GRIA3: variants seen among roughly 807,000 people sequenced by gnomAD.
GRIA3 encodes the protein glutamate ionotropic receptor AMPA type subunit 3.
In GRIA3, 3 loss-of-function variants were observed where a neutral mutation model predicts 63.0. The observed-to-expected ratio is 0.05, with a 90% CI of 0.02 to 0.12. GRIA3 has a LOEUF of 0.12. GRIA3 is among the 10% of genes least tolerant of loss of function. GRIA3 has a pLI of 1.00. For synonymous variants in GRIA3, 274 were observed against 257.9 expected (o/e 1.06, Z -0.60); for missense variants, 347 against 700.9 (o/e 0.50, Z 5.70).
chrX:123,245,041 G>A (rs1284930646), intron 2 of GRIA3, among the ~76,000 whole-genome samples: 2 of 112,209 alleles, frequency 1.8e-5, no homozygotes, highest in East Asian at 5.6e-4. Flanking sequence ...TCTCAGTCAA[G>A]AGAAAAGGAA....
At chrX:123,259,428 TTC>T (rs2044437575) in intron 3 of GRIA3, among the ~76,000 whole-genome samples, 1 of 109,892 alleles carries the variant, frequency 9.1e-6, no homozygotes, top group Admixed American at 9.7e-5. Flanking sequence ...TCTATCTTCC[TTC>T]TCTTTCTTCG....
intron 3 of GRIA3, among the ~76,000 whole-genome samples, chrX:123,268,088 C>T (rs1056696492): frequency 9.0e-6 from 1 of 111,499 alleles, no homozygotes; most frequent in Non-Finnish European, 1.9e-5. Context: ...CTGACGGACA[C>T]AAATAAAGAA....
At chrX:123,209,157 G>A (rs1927972936) in intron 2 of GRIA3, among the ~76,000 whole-genome samples, 1 of 111,537 alleles carries the variant, frequency 9.0e-6, no homozygotes, top group Admixed American at 9.5e-5. Context: ...CCTGAAGTCA[G>A]ACTTGGGTTT....
intron 3 of GRIA3, among the ~76,000 whole-genome samples, chrX:123,254,602 G>T (rs1195061043): frequency 1.8e-5 from 2 of 111,861 alleles, no homozygotes; most frequent in African/African-American, 6.5e-5. Context: ...AACTTGAACG[G>T]CCATTTTGCT....
intron 2 of GRIA3, among the ~76,000 whole-genome samples, chrX:123,189,094 T>G (rs973492121): frequency 1.8e-5 from 2 of 112,000 alleles, no homozygotes; most frequent in African/African-American, 6.5e-5. Context: ...GAAAGGTGTT[T>G]AATTTGGGAT....
chrX:123,200,590 TACACACACACACATACATACAC>T (rs1322412362), intron 2 of GRIA3, among the ~76,000 whole-genome samples: 7 of 82,552 alleles, frequency 8.5e-5, no homozygotes, highest in South Asian at 6.7e-4. Context: ...TATATACATA[TACACACACACACATACATACAC>T]ACACACACAC....
intron 13 of GRIA3, 21 bp downstream of exon 13, chrX:123,465,133 A>C: frequency 8.4e-7 from 1 of 1,195,596 alleles, no homozygotes; most frequent in Non-Finnish European, 1.1e-6. Flanking sequence ...TAATATAACA[A>C]TATCCGTGTT....
intron 3 of GRIA3, among the ~76,000 whole-genome samples, chrX:123,302,430 C>A (rs1240274414): frequency 1.8e-5 from 2 of 111,588 alleles, no homozygotes; most frequent in Non-Finnish European, 3.8e-5. Context: ...TCTCTCCTCC[C>A]TGGTCTTTAG....
chrX:123,201,473 A>G (rs2147254468), intron 2 of GRIA3, among the ~76,000 whole-genome samples: 1 of 111,653 alleles, frequency 9.0e-6, no homozygotes, highest in South Asian at 3.8e-4. Flanking sequence ...ATATTTTTAA[A>G]ATAAAATTCC....
At chrX:123,226,044 T>C (rs893597392) in intron 2 of GRIA3, among the ~76,000 whole-genome samples, 3 of 111,515 alleles carry the variant, frequency 2.7e-5, no homozygotes, top group Non-Finnish European at 5.7e-5. Context: ...AGAAACCCTA[T>C]TTGCTGAGAC....
chrX:123,292,930 C>G (rs1007476899), intron 3 of GRIA3, among the ~76,000 whole-genome samples: 1 of 111,086 alleles, frequency 9.0e-6, no homozygotes, highest in Non-Finnish European at 1.9e-5. Flanking sequence ...GTAACAGGTG[C>G]ACTCCATTTC....
intron 15 of GRIA3, among the ~76,000 whole-genome samples, chrX:123,484,425 G>GTGTTTTGTTGTTGTTGTTGTTGT (rs2045929891): frequency 8.9e-6 from 1 of 111,746 alleles, no homozygotes; most frequent in African/African-American, 3.2e-5. Flanking sequence ...AAGTGCATTT[G>GTGTTTTGTTGTTGTTGTTGTTGT]TGTTTTGTTG....
chrX:123,193,501 C>G (rs1927493583), intron 2 of GRIA3, among the ~76,000 whole-genome samples: 1 of 111,214 alleles, frequency 9.0e-6, no homozygotes, highest in African/African-American at 3.3e-5. Flanking sequence ...AAATTGACTC[C>G]ATTTTCAAGG....
intron 12 of GRIA3, among the ~76,000 whole-genome samples, chrX:123,463,610 G>GGGAAGGAA (rs1569440792): frequency 1.4e-4 from 2 of 13,986 alleles, no homozygotes; most frequent in Non-Finnish European, 2.4e-4. Flanking sequence ...GAGGGAGGGA[G>GGGAAGGAA]GGAAAGAAAG....
intron 4 of GRIA3, among the ~76,000 whole-genome samples, chrX:123,342,332 C>T (rs1326987129): frequency 8.9e-6 from 1 of 112,076 alleles, no homozygotes; most frequent in African/African-American, 3.2e-5. Flanking sequence ...GAACTCGCAG[C>T]CATTACCCAA....
chrX:123,209,416 G>A (rs1927979771), intron 2 of GRIA3, among the ~76,000 whole-genome samples: 1 of 111,728 alleles, frequency 9.0e-6, no homozygotes, highest in Non-Finnish European at 1.9e-5. Context: ...TTATGCCTCT[G>A]CAACACTCGT....
In GRIA3 at chrX:123,392,899, T is replaced by C. The variant is rs146889637; in HGVS notation, c.751-2069T>C. Among the ~76,000 whole-genome samples, 52 of 111,863 alleles carry C rather than the reference T, an allele frequency of 4.6e-4. No individual in the cohort carries two copies. In the East Asian group the frequency reaches 0.012, roughly 25 times the overall value. ...TGAATATAAGTTTAAGGAGTGAGAA[T>C]GGAGAGTTGGGTAACAGTTAGGCTT... is the stretch of plus-strand genomic sequence containing the variant. On this transcript the variant is annotated intron_variant, in intron 5 of 15. Coordinates refer to ENST00000620443, the MANE Select transcript of GRIA3 (RefSeq NM_007325.5).
At chrX:123,197,329 A>G (rs952668924) in intron 2 of GRIA3, among the ~76,000 whole-genome samples, 18 of 111,927 alleles carry the variant, frequency 1.6e-4, no homozygotes, top group African/African-American at 5.9e-4. Context: ...GTTCGAGATC[A>G]GCCTGGCCAA....
chrX:123,391,678 G>A (rs1156783041), intron 5 of GRIA3, among the ~76,000 whole-genome samples: 1 of 111,939 alleles, frequency 8.9e-6, no homozygotes, highest in African/African-American at 3.3e-5. Flanking sequence ...GGGCCGGATG[G>A]GTGGGTGGGT....
Sources: gnomAD v4.1 joint callset for allele counts (sites outside exome capture counted in the v4.1 genomes callset) on GRCh38, gnomAD v4.1.1 for gene constraint, MANE v1.5 for transcripts, NCBI Gene and HGNC (gene_info 2026-07-23, HGNC 2026-07-21) for gene names.